Variants in ZMIZ1 observed in about 807,000 individuals in gnomAD.
ZMIZ1 encodes zinc finger MIZ domain-containing protein 1.
ZMIZ1 carries 17 observed loss-of-function variants against 113.9 expected under a neutral mutation model. The ratio of observed to expected loss-of-function variants is 0.15; its 90% confidence interval spans 0.10 to 0.22. The LOEUF (loss-of-function observed/expected upper bound fraction) is 0.22. Ranked by LOEUF, ZMIZ1 falls within the 10% of genes least tolerant of loss-of-function variation. The pLI is 1.00. For missense variants in ZMIZ1, 1,059 were observed against 1,477.8 expected (o/e 0.72, Z 4.65); for synonymous variants, 607 against 603.1 (o/e 1.01, Z -0.09).
rs367792849 is a variant in ZMIZ1 at position 79,298,589 on chromosome 10, C to T, written c.1666+9C>T. ...TCTGCCACCACCCCCAGGTGAGGGC[C>T]CTCCCTCCCTCTCTTGGCAGCTCCA... On this transcript the variant is annotated intron_variant, in intron 15 of 24. Transcript: ENST00000334512. 21 of 1,587,580 alleles carry T rather than the reference C, an allele frequency of 1.3e-5. No homozygotes were observed. Among genetic ancestry groups the T allele is most frequent in the Non-Finnish European group, 1.7e-5 (20 of 1,170,704 alleles).
At chr10:79,294,068 A>C in intron 12 of ZMIZ1, 2 of 270,590 alleles carry the variant, frequency 7.4e-6, no homozygotes, top group Non-Finnish European at 7.4e-6. Flanking sequence ...CTGAGACAAA[A>C]TGCTTCCAGT....
chr10:79,140,595 C>T (rs1358172589), intron 3 of ZMIZ1, among the ~76,000 whole-genome samples: 1 of 152,128 alleles, frequency 6.6e-6, no homozygotes, highest in African/African-American at 2.4e-5. Context: ...CTCCATCCAT[C>T]CCTCTTTCTT....
At chr10:79,208,565 A>AG in intron 6 of ZMIZ1, 116 bp downstream of exon 6, 1 of 850,558 alleles carries the variant, frequency 1.2e-6, no homozygotes, top group Admixed American at 2.4e-5. Context: ...CCAGTGAGAG[A>AG]GCTGGGAAGA....
chr10:79,159,889 G>C (rs1265501787), intron 3 of ZMIZ1, among the ~76,000 whole-genome samples: 2 of 152,002 alleles, frequency 1.3e-5, no homozygotes, highest in Non-Finnish European at 2.9e-5. Context: ...GGGTGGCTGG[G>C]GCAGTGAGGT....
At chr10:79,095,820 T>A (rs10824714) in intron 1 of ZMIZ1, among the ~76,000 whole-genome samples, 1 of 151,990 alleles carries the variant, frequency 6.6e-6, no homozygotes, top group Non-Finnish European at 1.5e-5. Flanking sequence ...ATCTTGGGGC[T>A]GCTGGGGTCC....
At chr10:79,262,548 A>G in intron 7 of ZMIZ1, among the ~76,000 whole-genome samples, 1 of 152,236 alleles carries the variant, frequency 6.6e-6, no homozygotes, top group East Asian at 1.9e-4. Context: ...CATTGCAACA[A>G]GGCAACTGGA....
At chr10:79,169,237 G>A (rs978743000) in intron 4 of ZMIZ1, among the ~76,000 whole-genome samples, 1 of 152,162 alleles carries the variant, frequency 6.6e-6, no homozygotes, top group African/African-American at 2.4e-5. Flanking sequence ...GCCTCACCCA[G>A]ACTTCCCGTC....
intron 3 of ZMIZ1, among the ~76,000 whole-genome samples, chr10:79,155,730 G>A (rs535882079): frequency 1.3e-5 from 2 of 152,366 alleles, no homozygotes; most frequent in Admixed American, 6.5e-5. Flanking sequence ...AGGGATGTGT[G>A]CATGTGCCTC....
At chr10:79,235,979 T>C (rs534441725) in intron 7 of ZMIZ1, among the ~76,000 whole-genome samples, 1 of 152,318 alleles carries the variant, frequency 6.6e-6, no homozygotes, top group East Asian at 1.9e-4. Context: ...TCTTTGAACC[T>C]CAGTTTCCTC....
chr10:79,263,070 G>C (rs1285856705), intron 7 of ZMIZ1, among the ~76,000 whole-genome samples: 1 of 152,252 alleles, frequency 6.6e-6, no homozygotes, highest in African/African-American at 2.4e-5. Context: ...CCCATCTGAA[G>C]GTTGTCATCT....
chr10:79,136,859 C>G lies in ZMIZ1; in HGVS notation c.-226-2823C>G, dbSNP rs142574311. Among the ~76,000 whole-genome samples the G allele has an allele frequency of 3.7e-3, 566 of 152,172 alleles. 5 individuals are homozygous for G. Among genetic ancestry groups the G allele is most frequent in the African/African-American group, 0.013 (523 of 41,494 alleles). On this transcript the variant is annotated intron_variant, in intron 2 of 24. Transcript: ENST00000334512. ...ACATGAAGATTAGGCATCCTGGCCT[C>G]TCCTGGGCACAGCCCTGGTGAAGGC...
rs755161193 is a variant in ZMIZ1, at chr10:79,311,059, C to A, written c.2971C>A (p.Arg991=). The change falls in exon 24 of 25, where the codon CGG becomes AGG. Residue 991 remains arginine (R), a synonymous_variant. Transcript: ENST00000334512. ...TCCTCCTCCTCCTTCCCAGCCTCCCCGGCAGCCGCCACAGGCCGCTCCCAG... is the reference window on the plus strand; with the variant it reads ...TCCTCCTCCTCCTTCCCAGCCTCCCAGGCAGCCGCCACAGGCCGCTCCCAG... ...APPPPPSQPP[R]QPPQAAPSSH... 1 of 1,613,488 alleles carries A rather than the reference C, an allele frequency of 6.2e-7. No individual in the cohort carries two copies. Among genetic ancestry groups the A allele is most frequent in the African/African-American group, 1.3e-5 (1 of 75,048 alleles).
In ZMIZ1 at chr10:79,216,210, C is replaced by A; in HGVS notation, c.216C>A (p.Asp72Glu). Residue 72 changes from aspartate to glutamate, a missense_variant, in exon 7 of 25, where the codon GAC becomes GAA. Asp to Glu is a conservative substitution (Grantham distance 45, BLOSUM62 2). Transcript: ENST00000334512. ...RVAAQQGFDLDLGYRLLAVCA... is the reference protein window; with the variant it reads ...RVAAQQGFDLELGYRLLAVCA... The stretch of plus-strand genomic sequence containing the variant: ...CAGCCCAGCAAGGCTTTGACCTGGA[C>A]CTCGGCTACAGACTGCTGGCTGTGT... 2 of 1,564,670 alleles carry A rather than the reference C, an allele frequency of 1.3e-6. No homozygotes were observed. The highest frequency in any genetic ancestry group is 8.7e-7 in the Non-Finnish European group (1 of 1,153,850).
intron 7 of ZMIZ1, among the ~76,000 whole-genome samples, chr10:79,229,144 T>C (rs1386736301): frequency 6.6e-6 from 1 of 152,200 alleles, no homozygotes; most frequent in African/African-American, 2.4e-5. Flanking sequence ...AACCCAGCTG[T>C]CTCTCCAGGG....
intron 1 of ZMIZ1, among the ~76,000 whole-genome samples, chr10:79,074,153 T>C (rs1842392469): frequency 6.6e-6 from 1 of 152,234 alleles, no homozygotes; most frequent in African/African-American, 2.4e-5. Context: ...ATTATCCCCA[T>C]TTAACAGAGC....
intron 7 of ZMIZ1, among the ~76,000 whole-genome samples, chr10:79,240,453 G>A (rs866279495): frequency 7.2e-5 from 11 of 152,132 alleles, no homozygotes; most frequent in South Asian, 2.1e-4. Flanking sequence ...TGGAGTGCCC[G>A]TATTTCTGTA....
intron 4 of ZMIZ1, among the ~76,000 whole-genome samples, chr10:79,186,493 T>G (rs949339130): frequency 6.6e-6 from 1 of 152,206 alleles, no homozygotes; most frequent in African/African-American, 2.4e-5. Context: ...CAGCGGGTCT[T>G]TCTTGTTGAT....
At chr10:79,290,442 C>A (rs557571061) in intron 9 of ZMIZ1, among the ~76,000 whole-genome samples, 1 of 152,330 alleles carries the variant, frequency 6.6e-6, no homozygotes, top group East Asian at 1.9e-4. Context: ...GGCTGCTTGT[C>A]ACCCTGGAGG....
At chr10:79,239,695 T>G (rs1396645064) in intron 7 of ZMIZ1, among the ~76,000 whole-genome samples, 3 of 152,122 alleles carry the variant, frequency 2.0e-5, no homozygotes, top group African/African-American at 7.2e-5. Context: ...CCTCCCACTA[T>G]GCAAAGCCTT....
Sources: gnomAD v4.1 joint callset for allele counts (sites outside exome capture counted in the v4.1 genomes callset) on GRCh38, gnomAD v4.1.1 for gene constraint, MANE v1.5 for transcripts, NCBI Gene and HGNC (gene_info 2026-07-23, HGNC 2026-07-21) for gene names.